ZFHX3: variants seen among roughly 807,000 people sequenced by gnomAD.
ZFHX3 encodes zinc finger homeobox 3, also known as zinc finger homeobox protein 3.
A neutral mutation model predicts 279.1 loss-of-function variants in ZFHX3; 42 were observed. The ratio of observed to expected loss-of-function variants is 0.15; its 90% CI spans 0.12 to 0.19. The LOEUF is 0.19. ZFHX3 is among the 10% of genes least tolerant of loss of function. ZFHX3 has a pLI of 1.00. For synonymous variants in ZFHX3, 2,293 were observed against 1,957.8 expected, an observed-to-expected ratio of 1.17 and a Z score of -4.52; for missense variants, 4,981 against 4,754.0, an observed-to-expected ratio of 1.05 and a Z score of -1.40.
At chr16:73,638,641 G>A (rs996979825) in intron 2 of ZFHX3, among the ~76,000 whole-genome samples, 1 of 152,070 alleles carries the variant, frequency 6.6e-6, no homozygotes, top group African/African-American at 2.4e-5. Context: ...CTCTATTATA[G>A]CACCTGTTAC....
intron 4 of ZFHX3, among the ~76,000 whole-genome samples, chr16:72,833,029 G>A (rs910670849): frequency 2.6e-5 from 4 of 152,220 alleles, no homozygotes; most frequent in African/African-American, 9.6e-5. Flanking sequence ...AAAAAACAGA[G>A]ATGCAAACTG....
At chr16:73,855,621 G>C (rs1237610616) in intron 1 of ZFHX3, among the ~76,000 whole-genome samples, 1 of 152,112 alleles carries the variant, frequency 6.6e-6, no homozygotes, top group Non-Finnish European at 1.5e-5. Context: ...CAACTTTATA[G>C]ACAAGAGTGA....
At chr16:72,920,431 A>C (rs2039554891) in intron 3 of ZFHX3, among the ~76,000 whole-genome samples, 1 of 152,144 alleles carries the variant, frequency 6.6e-6, no homozygotes, top group South Asian at 2.1e-4. Context: ...CTGTAATCCA[A>C]GCACTTTGGG....
intron 3 of ZFHX3, among the ~76,000 whole-genome samples, chr16:73,454,657 A>G (rs1168914971): frequency 2.0e-5 from 3 of 151,904 alleles, no homozygotes; most frequent in Non-Finnish European, 2.9e-5. Flanking sequence ...AGTCTTCACA[A>G]TTACTGCTTC....
intron 1 of ZFHX3, among the ~76,000 whole-genome samples, chr16:73,742,404 C>T (rs1475639732): frequency 6.6e-6 from 1 of 152,164 alleles, no homozygotes; most frequent in Non-Finnish European, 1.5e-5. Flanking sequence ...ACTACATTCT[C>T]ATAAGTGTTG....
chr16:72,905,574 C>A (rs140218212), intron 3 of ZFHX3, among the ~76,000 whole-genome samples: 1 of 152,142 alleles, frequency 6.6e-6, no homozygotes, highest in South Asian at 2.1e-4. Flanking sequence ...AGGGAGTACA[C>A]TCCGCAGATG....
intron 1 of ZFHX3, among the ~76,000 whole-genome samples, chr16:73,730,050 G>T (rs764352943): frequency 3.9e-5 from 6 of 152,150 alleles, no homozygotes; most frequent in Non-Finnish European, 5.9e-5. Context: ...GGTCATTTCT[G>T]CAGACAAACT....
intron 2 of ZFHX3, among the ~76,000 whole-genome samples, chr16:73,577,029 G>A (rs914895017): frequency 8.5e-5 from 13 of 152,132 alleles, no homozygotes; most frequent in African/African-American, 3.1e-4. Context: ...GGAACTCAGT[G>A]TATTTTGTAG....
At chr16:73,804,073 C>A in intron 1 of ZFHX3, among the ~76,000 whole-genome samples, 1 of 152,290 alleles carries the variant, frequency 6.6e-6, no homozygotes, top group Admixed American at 6.5e-5. Context: ...GGGAAGATCA[C>A]TTTAGCCTGG....
At chr16:72,789,169 C>T (rs1479316255) in intron 9 of ZFHX3, 2 of 247,800 alleles carry the variant, frequency 8.1e-6, no homozygotes, top group Non-Finnish European at 1.5e-5. Context: ...CCATACTTCC[C>T]CTTTCAGCCA....
At chr16:72,990,431 C>T (rs1034091131) in intron 1 of ZFHX3, among the ~76,000 whole-genome samples, 3 of 152,178 alleles carry the variant, frequency 2.0e-5, no homozygotes, top group Admixed American at 1.3e-4. Context: ...TCACCACATA[C>T]TGATCTTGCC....
intron 3 of ZFHX3, among the ~76,000 whole-genome samples, chr16:72,907,086 T>C (rs1394220164): frequency 1.3e-5 from 2 of 152,204 alleles, no homozygotes; most frequent in Non-Finnish European, 2.9e-5. Context: ...TGATGTCTTT[T>C]TGGAATCTCA....
At chr16:72,912,826 G>C (rs1374569104) in intron 3 of ZFHX3, among the ~76,000 whole-genome samples, 1 of 152,166 alleles carries the variant, frequency 6.6e-6, no homozygotes, top group Non-Finnish European at 1.5e-5. Flanking sequence ...CCAGGTTCAA[G>C]CGACTTCCCG....
chr16:72,790,821 G>C (rs922369147), intron 9 of ZFHX3: 1 of 152,134 alleles, frequency 6.6e-6, no homozygotes, highest in Non-Finnish European at 1.5e-5. Flanking sequence ...GGCAAGGAAG[G>C]AATATTTAGA....
In ZFHX3 at chr16:73,148,555, CTTTTTTTTTTTTTTTTT is replaced by C. The variant is rs36018349; in HGVS notation, c.-1103-4741_-1103-4725del. On this transcript the variant is annotated intron_variant, in intron 5 of 17. Coordinates refer to the ZFHX3 transcript ENST00000641206. ...GCGCCTTCGTCTGGCAAATGCTGGGCTTTTTTTTTTTTTTTTTTTTTTTTTTTTTACTATTATCTGTG... is the reference window on the plus strand; with the variant it reads ...GCGCCTTCGTCTGGCAAATGCTGGGCTTTTTTTTTTTTACTATTATCTGTG... 5.4e-5 allele frequency among the ~76,000 whole-genome samples: 3 copies of C among 55,412 alleles called. 1 individual carries two copies. Among genetic ancestry groups the C allele is most frequent in the Admixed American group, 3.1e-4 (1 of 3,214 alleles). The allele number at this position is 55,412 out of a possible 152,430, so 36.4% of individuals were successfully genotyped here.
chr16:72,871,565 C>A (rs956401716), intron 4 of ZFHX3, among the ~76,000 whole-genome samples: 3 of 152,058 alleles, frequency 2.0e-5, no homozygotes, highest in African/African-American at 4.8e-5. Context: ...TGGTCTTGAT[C>A]TCCTGACCTT....
chr16:73,531,285 C>T (rs188460466), intron 2 of ZFHX3, among the ~76,000 whole-genome samples: 142 of 152,320 alleles, frequency 9.3e-4, no homozygotes, highest in African/African-American at 3.2e-3. Flanking sequence ...TTCAGGTCAA[C>T]GTCTTTTGCT....
chr16:73,544,928 A>G (rs977683025), intron 2 of ZFHX3, among the ~76,000 whole-genome samples: 2 of 152,198 alleles, frequency 1.3e-5, no homozygotes, highest in African/African-American at 4.8e-5. Flanking sequence ...TGCCAAGTCA[A>G]TGGGGGAGGA....
At chr16:72,802,640 A>G (rs1218027676) in intron 7 of ZFHX3, among the ~76,000 whole-genome samples, 1 of 152,168 alleles carries the variant, frequency 6.6e-6, no homozygotes. Flanking sequence ...AGAGAATCCT[A>G]AGGATCTGGA....
Sources: gnomAD v4.1 joint callset for allele counts (sites outside exome capture counted in the v4.1 genomes callset) on GRCh38, gnomAD v4.1.1 for gene constraint, MANE v1.5 for transcripts, NCBI Gene and HGNC (gene_info 2026-07-23, HGNC 2026-07-21) for gene names.